The following CNTN5 variants were observed in gnomAD, a reference collection of about 807,000 sequenced individuals.
The protein encoded by CNTN5 is contactin 5, also known as contactin-5.
A neutral mutation model predicts 129.1 loss-of-function variants in CNTN5; 77 were observed. That is an observed-to-expected ratio of 0.60 (90% confidence interval 0.50 to 0.72). CNTN5 has a LOEUF of 0.72. Ranked by LOEUF, CNTN5 falls within the 30% of genes least tolerant of loss-of-function variation. CNTN5 has a pLI of 0.00. For synonymous variants in CNTN5, 509 were observed against 465.6 expected (o/e 1.09, Z -1.20); for missense variants, 1,478 against 1,328.8 (o/e 1.11, Z -1.75).
intron 2 of CNTN5, among the ~76,000 whole-genome samples, chr11:99,508,722 C>T (rs1040830073): frequency 4.2e-5 from 6 of 143,752 alleles, no homozygotes; most frequent in Middle Eastern, 3.3e-3. Flanking sequence ...TCTTGTCACC[C>T]AGGCTGGAGT....
intron 13 of CNTN5, among the ~76,000 whole-genome samples, chr11:100,111,677 A>G (rs1945661883): frequency 6.6e-6 from 1 of 152,186 alleles, no homozygotes; most frequent in Admixed American, 6.6e-5. Context: ...TCCTCTTAAG[A>G]AAATTTAAGT....
intron 4 of CNTN5, 136 bp from the exon 5 acceptor site, chr11:99,844,716 C>A (rs537482224): frequency 2.7e-6 from 2 of 736,344 alleles, no homozygotes; most frequent in Admixed American, 3.1e-5. Context: ...TCTAGCTATT[C>A]CTTCTTTTGG....
At chr11:99,568,861 T>A (rs1481674805) in intron 3 of CNTN5, among the ~76,000 whole-genome samples, 2 of 152,248 alleles carry the variant, frequency 1.3e-5, no homozygotes, top group Non-Finnish European at 2.9e-5. Context: ...CTGTCAACTT[T>A]CATATCTGAT....
chr11:99,258,039 C>A (rs1020882647), intron 1 of CNTN5, among the ~76,000 whole-genome samples: 2 of 151,980 alleles, frequency 1.3e-5, no homozygotes, highest in African/African-American at 4.8e-5. Context: ...GCCTTTCTCC[C>A]CCTGAACACC....
At chr11:99,324,923 G>A (rs1368173108) in intron 1 of CNTN5, among the ~76,000 whole-genome samples, 1 of 152,230 alleles carries the variant, frequency 6.6e-6, no homozygotes, top group African/African-American at 2.4e-5. Flanking sequence ...TTACAGGTGT[G>A]AGCCACTGCA....
chr11:99,770,428 G>A (rs1304536373), intron 3 of CNTN5, among the ~76,000 whole-genome samples: 1 of 151,932 alleles, frequency 6.6e-6, no homozygotes, highest in Non-Finnish European at 1.5e-5. Context: ...ATACATGTGT[G>A]CATTTAATAA....
intron 3 of CNTN5, among the ~76,000 whole-genome samples, chr11:99,778,296 A>T (rs1014490419): frequency 6.6e-6 from 1 of 151,808 alleles, no homozygotes; most frequent in African/African-American, 2.4e-5. Context: ...AAGTGTTGTC[A>T]TCTTGATCAA....
At chr11:100,029,044 A>C (rs1941571494) in intron 9 of CNTN5, among the ~76,000 whole-genome samples, 1 of 152,162 alleles carries the variant, frequency 6.6e-6, no homozygotes, top group African/African-American at 2.4e-5. Flanking sequence ...AAAGACCAAG[A>C]GCCAAATACG....
chr11:99,204,251 TA>T (rs1354909611), intron 1 of CNTN5, among the ~76,000 whole-genome samples: 2 of 152,244 alleles, frequency 1.3e-5, no homozygotes, highest in East Asian at 3.8e-4. Flanking sequence ...TCTCAATTTC[TA>T]AAGCAGTGTT....
At chr11:99,760,211 A>G (rs1171811866) in intron 3 of CNTN5, among the ~76,000 whole-genome samples, 1 of 152,158 alleles carries the variant, frequency 6.6e-6, no homozygotes, top group Non-Finnish European at 1.5e-5. Flanking sequence ...TATTTTTCTT[A>G]ACAGTTAGTT....
intron 3 of CNTN5, among the ~76,000 whole-genome samples, chr11:99,745,319 C>A (rs192813253): frequency 6.6e-6 from 1 of 152,104 alleles, no homozygotes. Context: ...ACTTCTGTAA[C>A]CCTCCCAGAA....
At chr11:99,630,513 A>G (rs950141751) in intron 3 of CNTN5, among the ~76,000 whole-genome samples, 1 of 151,480 alleles carries the variant, frequency 6.6e-6, no homozygotes, top group Non-Finnish European at 1.5e-5. Context: ...CCCCCATAGC[A>G]ACTATCATGC....
intron 9 of CNTN5, among the ~76,000 whole-genome samples, chr11:100,021,256 T>C (rs531195641): frequency 6.6e-6 from 1 of 152,304 alleles, no homozygotes; most frequent in African/African-American, 2.4e-5. Flanking sequence ...TTTTGGTAAA[T>C]GACTTATGTG....
At chr11:99,511,200 A>T (rs986947464) in intron 2 of CNTN5, among the ~76,000 whole-genome samples, 37 of 152,074 alleles carry the variant, frequency 2.4e-4, no homozygotes, top group African/African-American at 8.7e-4. Flanking sequence ...ATTTCCCTCT[A>T]CACACTGCTT....
At position 100,311,587 on chromosome 11, in the gene CNTN5, A is replaced by C. The variant is rs1412227346; in HGVS notation, c.2730+3119A>C. On this transcript the variant is annotated intron_variant, in intron 21 of 24. Transcript: ENST00000524871. Reference sequence around the variant, plus strand: ...AGAATTGAGCTCTGGGGTGGCCCACAATTTGGAACTCAATAAAGGAGAGGA... The same window carrying C: ...AGAATTGAGCTCTGGGGTGGCCCACCATTTGGAACTCAATAAAGGAGAGGA... 2.0e-5 allele frequency among the ~76,000 whole-genome samples: 3 copies of C among 151,958 alleles called. No homozygotes were observed. In the South Asian group the frequency reaches 6.2e-4, roughly 31 times the overall value.
chr11:99,219,486 A>T (rs918960725), intron 1 of CNTN5, among the ~76,000 whole-genome samples: 1 of 151,800 alleles, frequency 6.6e-6, no homozygotes, highest in Non-Finnish European at 1.5e-5. Flanking sequence ...AGAACCATAC[A>T]GAGGCCTTAA....
chr11:99,389,076 C>A (rs1289545646), intron 2 of CNTN5, among the ~76,000 whole-genome samples: 1 of 143,006 alleles, frequency 7.0e-6, no homozygotes, highest in Admixed American at 7.1e-5. Flanking sequence ...GTTGCCCAGG[C>A]TGGAGTGCAA....
At chr11:99,183,618 C>T (rs890229810) in intron 1 of CNTN5, among the ~76,000 whole-genome samples, 1 of 151,844 alleles carries the variant, frequency 6.6e-6, no homozygotes, top group Non-Finnish European at 1.5e-5. Context: ...CTTAATGACC[C>T]CTAAAGTGCT....
chr11:100,053,713 A>G (rs1207406274), intron 9 of CNTN5, among the ~76,000 whole-genome samples: 2 of 151,786 alleles, frequency 1.3e-5, no homozygotes, highest in African/African-American at 4.8e-5. Context: ...TAGAATTTCT[A>G]TGCTTTTTAC....
Sources: gnomAD v4.1 joint callset for allele counts (sites outside exome capture counted in the v4.1 genomes callset) on GRCh38, gnomAD v4.1.1 for gene constraint, MANE v1.5 for transcripts, NCBI Gene and HGNC (gene_info 2026-07-23, HGNC 2026-07-21) for gene names.